Variants in TRPC4AP observed in about 807,000 individuals in gnomAD.
TRPC4AP encodes transient receptor potential cation channel subfamily C member 4 associated protein, also known as short transient receptor potential channel 4-associated protein.
TRPC4AP carries 45 observed loss-of-function variants against 99.0 expected under a neutral mutation model. The observed-to-expected ratio is 0.45, with a 90% CI of 0.36 to 0.58. TRPC4AP has a LOEUF of 0.58. Among genes scored for constraint, TRPC4AP ranks in the 20% least tolerant of loss-of-function variants. The pLI is 0.00. For synonymous variants in TRPC4AP, 408 were observed against 385.8 expected, an observed-to-expected ratio of 1.06 and a Z score of -0.67; for missense variants, 879 against 985.3, an observed-to-expected ratio of 0.89 and a Z score of 1.44.
rs1455577098 is a variant in TRPC4AP, at chr20:35,092,688, G to A, written c.94C>T (p.Pro32Ser). The change falls in exon 1 of 19, where the codon CCG becomes TCG. Residue 32 changes from proline to serine, a missense_variant. Physicochemically the swap from Pro to Ser is moderately conservative, Grantham distance 74 (BLOSUM62 -1). Coordinates refer to ENST00000252015, the MANE Select transcript of TRPC4AP (RefSeq NM_015638.3). ...TGCAGCAGAATGTTACCAGGCCGCGGCCGGCCGCCCCATCCGCCCCAAGCC... is the reference window on the plus strand; with the variant it reads ...TGCAGCAGAATGTTACCAGGCCGCGACCGGCCGCCCCATCCGCCCCAAGCC... ...VAAWGGWGGR[P>S]RPGNILLQLR... 1.3e-6 allele frequency: 2 copies of A among 1,534,404 alleles called. No homozygotes were observed. Among genetic ancestry groups the A allele is most frequent in the Admixed American group, 1.9e-5 (1 of 51,522 alleles).
chr20:35,029,860 TCTC>T (rs796385645), intron 8 of TRPC4AP, among the ~76,000 whole-genome samples: 11 of 147,606 alleles, frequency 7.5e-5, no homozygotes, highest in African/African-American at 2.5e-4. Context: ...GTGGTCTCGA[TCTC>T]CTGACCTCGT....
chr20:35,064,367 C>T (rs920163063), intron 3 of TRPC4AP, among the ~76,000 whole-genome samples: 10 of 152,216 alleles, frequency 6.6e-5, no homozygotes, highest in African/African-American at 2.4e-4. Flanking sequence ...TGAGACTAGA[C>T]AGTTCAGCTT....
At chr20:35,082,603 T>C (rs1354385946) in intron 1 of TRPC4AP, among the ~76,000 whole-genome samples, 2 of 152,152 alleles carry the variant, frequency 1.3e-5, no homozygotes, top group Non-Finnish European at 2.9e-5. Flanking sequence ...TACCAAAACC[T>C]GTCAAAAGGA....
At chr20:35,031,161 T>C (rs751078115) in intron 8 of TRPC4AP, among the ~76,000 whole-genome samples, 3 of 152,190 alleles carry the variant, frequency 2.0e-5, no homozygotes, top group Non-Finnish European at 2.9e-5. Context: ...CAGCCACTAA[T>C]CTTATTGGAA....
In TRPC4AP at chr20:35,006,483, G is replaced by A. The variant is rs934802393; in HGVS notation, c.1779C>T (p.Asn593=). ...FDLLGELMKF[N]VDAFKRFNKY... is the part of the protein sequence containing the mutation. ...TATTGAATCTCTTGAATGCATCAAC[G>A]TTGAACTTCATCAGCTCCCCCAGGA... The change falls in exon 15 of 19, where the codon AAC becomes AAT. Residue 593 remains asparagine, a synonymous_variant. Transcript: ENST00000252015. 6 of 1,614,190 alleles carry A rather than the reference G, an allele frequency of 3.7e-6. No individual in the cohort carries two copies. The highest frequency in any genetic ancestry group is 2.2e-5 in the South Asian group (2 of 91,078).
At chr20:35,039,752 T>C (rs950930673) in intron 7 of TRPC4AP, among the ~76,000 whole-genome samples, 37 of 152,046 alleles carry the variant, frequency 2.4e-4, no homozygotes, top group Admixed American at 7.2e-4. Flanking sequence ...AAGACGTTAC[T>C]TTCCCCCAGA....
intron 5 of TRPC4AP, among the ~76,000 whole-genome samples, chr20:35,054,220 G>C (rs774139784): frequency 1.3e-5 from 2 of 151,142 alleles, no homozygotes; most frequent in Non-Finnish European, 2.9e-5. Context: ...CAGCATACAG[G>C]GTTCACATTT....
chr20:35,086,353 T>C (rs1199138122), intron 1 of TRPC4AP, among the ~76,000 whole-genome samples: 1 of 151,888 alleles, frequency 6.6e-6, no homozygotes, highest in Non-Finnish European at 1.5e-5. Flanking sequence ...TGTCCTTTAA[T>C]GGGGTATGAT....
intron 8 of TRPC4AP, among the ~76,000 whole-genome samples, chr20:35,026,975 A>T (rs1223633296): frequency 6.6e-6 from 1 of 152,186 alleles, no homozygotes; most frequent in Non-Finnish European, 1.5e-5. Flanking sequence ...TTTTCTACAT[A>T]TAAGATCATC....
At chr20:35,086,201 C>T (rs55993524) in intron 1 of TRPC4AP, among the ~76,000 whole-genome samples, 12,455 of 151,990 alleles carry the variant, frequency 0.082, 594 homozygotes, top group South Asian at 0.13. Context: ...TTAAAGAATC[C>T]GTCTAGCTCG....
At chr20:35,088,280 G>T (rs1248101595) in intron 1 of TRPC4AP, among the ~76,000 whole-genome samples, 16 of 152,180 alleles carry the variant, frequency 1.1e-4, no homozygotes, top group Admixed American at 9.8e-4. Flanking sequence ...GGCATAAACA[G>T]ATTAAATAAC....
chr20:35,003,475 T>C lies in TRPC4AP; in HGVS notation c.2191A>G (p.Asn731Asp). ...YPGFLLNNFH[N>D]LLRFWQQHYL... is the part of the protein sequence containing the mutation. ...TGCTGCTGCCAGAAGCGCAGCAGGT[T>C]GTGGAAGTTGTTGAGCAGGAAGCCG... Residue 731 changes from asparagine (N) to aspartate (D), a missense_variant, in exon 18 of 19, where the codon AAC becomes GAC. Asn to Asp is a conservative substitution (Grantham distance 23, BLOSUM62 1). Coordinates refer to ENST00000252015, the MANE Select transcript of TRPC4AP (RefSeq NM_015638.3). 1 of 1,614,070 alleles carries C rather than the reference T, an allele frequency of 6.2e-7. No homozygotes were observed. Among genetic ancestry groups the C allele is most frequent in the Admixed American group, 1.7e-5 (1 of 60,026 alleles).
At chr20:35,078,006 G>C (rs754115100) in intron 2 of TRPC4AP, 40 bp downstream of exon 2, 2 of 1,553,920 alleles carry the variant, frequency 1.3e-6, no homozygotes, top group Non-Finnish European at 1.7e-6. Flanking sequence ...GTGTCACCTA[G>C]AGGCCCTGAA....
intron 1 of TRPC4AP, 43 bp from the exon 2 acceptor site, chr20:35,078,217 T>A (rs990514906): frequency 3.8e-6 from 6 of 1,583,336 alleles, no homozygotes; most frequent in Non-Finnish European, 5.2e-6. Flanking sequence ...GTATTATTGA[T>A]GATAATAGCT....
intron 8 of TRPC4AP, among the ~76,000 whole-genome samples, chr20:35,022,739 G>A (rs6060158): frequency 0.02 from 3,092 of 152,244 alleles, 121 homozygotes; most frequent in African/African-American, 0.071. Flanking sequence ...AACTTATTCC[G>A]ACTAGGTGTG....
intron 1 of TRPC4AP, among the ~76,000 whole-genome samples, chr20:35,083,660 CCAGT>C (rs532355470): frequency 1.3e-4 from 19 of 150,856 alleles, no homozygotes; most frequent in African/African-American, 3.9e-4. Context: ...ACTTCTATAC[CCAGT>C]CAAACTAAAT....
chr20:35,007,456 C>T (rs1343694830), intron 14 of TRPC4AP, 94 bp downstream of exon 14: 2 of 1,303,762 alleles, frequency 1.5e-6, no homozygotes, highest in Non-Finnish European at 2.2e-6. Flanking sequence ...ATCTGCTCTG[C>T]TCCTGATGAA....
intron 2 of TRPC4AP, among the ~76,000 whole-genome samples, chr20:35,071,650 T>C (rs1185278038): frequency 6.6e-6 from 1 of 152,246 alleles, no homozygotes; most frequent in South Asian, 2.1e-4. Context: ...CCATGGTGTA[T>C]ATGTGCCACA....
At chr20:35,084,468 A>ATGTATATATG (rs1488812954) in intron 1 of TRPC4AP, among the ~76,000 whole-genome samples, 1 of 133,478 alleles carries the variant, frequency 7.5e-6, no homozygotes, top group Non-Finnish European at 1.6e-5. Flanking sequence ...GTGTGTATAT[A>ATGTATATATG]TGTATATATG....
Sources: allele counts gnomAD v4.1 joint callset (sites outside exome capture counted in the v4.1 genomes callset), GRCh38; gene constraint gnomAD v4.1.1; transcripts MANE v1.5; gene names NCBI Gene and HGNC (gene_info 2026-07-23, HGNC 2026-07-21).